The following IPO13 variants were observed in gnomAD, a reference collection of about 807,000 sequenced individuals.
IPO13 encodes the protein importin 13, also known as importin-13.
A neutral mutation model predicts 115.5 loss-of-function variants in IPO13; 28 were observed. That is an observed-to-expected ratio of 0.24 (90% CI 0.18 to 0.33). The LOEUF is 0.33. IPO13 is among the 10% of genes least tolerant of loss of function. The pLI is 1.00. For synonymous variants in IPO13, 414 were observed against 478.9 expected (o/e 0.86, Z 1.77); for missense variants, 785 against 1,204.6 (o/e 0.65, Z 5.16).
intron 11 of IPO13, 49 bp from the exon 12 acceptor site, chr1:43,960,200 G>A: frequency 6.3e-7 from 1 of 1,583,274 alleles, no homozygotes; most frequent in Non-Finnish European, 8.7e-7. Context: ...CCTCAAGTGG[G>A]TCACAGTGAT....
At chr1:43,955,437 G>A (rs2085237860) in intron 2 of IPO13, among the ~76,000 whole-genome samples, 1 of 152,170 alleles carries the variant, frequency 6.6e-6, no homozygotes, top group Non-Finnish European at 1.5e-5. Flanking sequence ...AATTGTGAAG[G>A]ATAGAAGTCT....
At chr1:43,955,401 AG>A (rs1466798963) in intron 2 of IPO13, among the ~76,000 whole-genome samples, 7 of 152,192 alleles carry the variant, frequency 4.6e-5, no homozygotes, top group African/African-American at 1.4e-4. Flanking sequence ...GTGGCTTTAA[AG>A]CCAAACAGAA....
In IPO13 at chr1:43,952,811, T is replaced by A. The variant is rs2085218343; in HGVS notation, c.821+2658T>A. ...TGTGAAGCTTTTAGCATGGTTCCTA[T>A]ATACTCTGTAAACGGCAGTTGCCAG... On this transcript the variant is annotated intron_variant, in intron 2 of 19. Coordinates refer to ENST00000372343, the MANE Select transcript of IPO13 (RefSeq NM_014652.4). The surrounding 1 kb of genome is among the most constrained non-coding windows in gnomAD (Gnocchi z 4.7). Among the ~76,000 whole-genome samples, 1 of 152,256 alleles carries A rather than the reference T, an allele frequency of 6.6e-6. No homozygotes were observed. The highest frequency in any genetic ancestry group is 1.5e-5 in the Non-Finnish European group (1 of 68,044).
chr1:43,951,703 G>A (rs1476175896), intron 2 of IPO13, among the ~76,000 whole-genome samples: 4 of 152,200 alleles, frequency 2.6e-5, no homozygotes, highest in Non-Finnish European at 4.4e-5. Context: ...AAGTGAGACT[G>A]GAGGTCCTGA....
chr1:43,950,180 G>A lies in IPO13; in HGVS notation c.821+27G>A, dbSNP rs1245078213. On this transcript the variant is annotated intron_variant, in intron 2 of 19. Coordinates refer to ENST00000372343, the MANE Select transcript of IPO13 (RefSeq NM_014652.4). ...TGAGCTAGTACCCACTCACCCAGAA[G>A]ACAACCTCTTTGGCCAGCCACACAT... 4.4e-6 allele frequency: 7 copies of A among 1,573,068 alleles called. No homozygotes were observed. The African/African-American group carries it at 5.4e-5, about 12-fold the overall frequency.
Position 43,967,988 on chromosome 1 carries a change from C to A in IPO13, c.*306C>A, listed in dbSNP as rs1389653180. On this transcript the variant is annotated 3_prime_UTR_variant, in exon 20 of 20. Coordinates refer to ENST00000372343, the MANE Select transcript of IPO13 (RefSeq NM_014652.4). This position sits in a 1 kb window ranked among gnomAD's most constrained non-coding sequence, Gnocchi z 6.1. ...GGGGTGGTTGCAGTAGTGTCATCAACCCCCCCATCCCCATTAAATTAATCC... is the reference window on the plus strand; with the variant it reads ...GGGGTGGTTGCAGTAGTGTCATCAAACCCCCCATCCCCATTAAATTAATCC... 2.1e-6 allele frequency: 1 copy of A among 476,624 alleles called. No individual in the cohort carries two copies. Among genetic ancestry groups the A allele is most frequent in the African/African-American group, 1.9e-5 (1 of 51,716 alleles). The allele number at this position is 476,624 out of a possible 1,614,324, so 29.5% of individuals were successfully genotyped here. A position where few individuals can be genotyped will look rare whatever the true frequency, so the allele number is the denominator to read the frequency against.
rs2085262933 is a variant in IPO13, at chr1:43,958,041, G to A, written c.1605G>A (p.Leu535=). The A allele has an allele frequency of 6.2e-7, 1 of 1,614,154 alleles. No individual in the cohort carries two copies. Among genetic ancestry groups the A allele is most frequent in the Non-Finnish European group, 8.5e-7 (1 of 1,180,010 alleles). Residue 535 remains leucine (L), a synonymous_variant, in exon 8 of 20, where the codon CTG becomes CTA. Coordinates refer to ENST00000372343, the MANE Select transcript of IPO13 (RefSeq NM_014652.4). The surrounding 1 kb of genome is among the most constrained non-coding windows in gnomAD (Gnocchi z 6.3). Reference sequence around the variant, plus strand: ...TCAACAGTGTTCTGCCCTTGGTACTGCATGCCCTAGGCAATCCTGAGCTGT... The same window carrying A: ...TCAACAGTGTTCTGCCCTTGGTACTACATGCCCTAGGCAATCCTGAGCTGT... ...VMINSVLPLV[L]HALGNPELSV...
At chr1:43,950,260 C>T in intron 2 of IPO13, 107 bp downstream of exon 2, 1 of 1,322,256 alleles carries the variant, frequency 7.6e-7, no homozygotes, top group Non-Finnish European at 1.0e-6. Flanking sequence ...ATACCTGGTC[C>T]TATGCTGGAG....
chr1:43,955,619 G>A (rs1278475893), intron 2 of IPO13, among the ~76,000 whole-genome samples: 1 of 152,150 alleles, frequency 6.6e-6, no homozygotes, highest in African/African-American at 2.4e-5. Flanking sequence ...GTATGTCTCT[G>A]TCTTCACATA....
intron 2 of IPO13, among the ~76,000 whole-genome samples, chr1:43,950,698 T>C (rs2085203245): frequency 6.6e-6 from 1 of 152,194 alleles, no homozygotes; most frequent in Non-Finnish European, 1.5e-5. Context: ...CATCTCATGC[T>C]ACTCTCCTTG....
Position 43,952,495 on chromosome 1 carries a change from C to G in IPO13, c.821+2342C>G, listed in dbSNP as rs1402184689. 2.0e-5 allele frequency among the ~76,000 whole-genome samples: 3 copies of G among 152,026 alleles called. No individual in the cohort carries two copies. Among genetic ancestry groups the G allele is most frequent in the Non-Finnish European group, 4.4e-5 (3 of 68,014 alleles). The stretch of plus-strand genomic sequence containing the variant: ...AACTGTTCATTTTTTTAAAGAGAAA[C>G]ATAGTTACTATTAAATGGATTAAGG... On this transcript the variant is annotated intron_variant, in intron 2 of 19. Transcript: ENST00000372343. The surrounding 1 kb of genome is among the most constrained non-coding windows in gnomAD (Gnocchi z 4.7).
At position 43,966,431 on chromosome 1, in the gene IPO13, C is replaced by G; in HGVS notation, c.2398-144C>G. The stretch of plus-strand genomic sequence containing the variant: ...TGACCTACTGAACTCTGAGGTGGTC[C>G]GGGTCCCCCAGAGATGGCTGGGTAG... On this transcript the variant is annotated intron_variant, in intron 15 of 19. Transcript: ENST00000372343. This position sits in a 1 kb window ranked among gnomAD's most constrained non-coding sequence, Gnocchi z 4.1. 1 of 767,028 alleles carries G rather than the reference C, an allele frequency of 1.3e-6. No homozygotes were observed. The highest frequency in any genetic ancestry group is 1.5e-5 in the South Asian group (1 of 65,110). The allele number at this position is 767,028 out of a possible 1,614,324, so 47.5% of individuals were successfully genotyped here.
intron 2 of IPO13, chr1:43,953,571 G>T (rs1389861477): frequency 6.6e-6 from 1 of 152,232 alleles, no homozygotes; most frequent in Admixed American, 6.5e-5. Flanking sequence ...GTCACCTTCA[G>T]TGACTTTGAC....
intron 1 of IPO13, among the ~76,000 whole-genome samples, chr1:43,948,007 A>G (rs138531518): frequency 3.3e-5 from 5 of 152,210 alleles, no homozygotes; most frequent in African/African-American, 1.2e-4. Context: ...GAAACTGGGA[A>G]CCCAGGAGAC....
chr1:43,949,491 G>T lies in IPO13; in HGVS notation c.159G>T (p.Gln53His), dbSNP rs756621643. Residue 53 changes from glutamine (Q) to histidine (H), a missense_variant, in exon 2 of 20, where the codon CAG becomes CAT. This residue lies in a region of IPO13 where 325 missense variants were observed against 449.8 expected (regional missense o/e 0.72). Coordinates refer to ENST00000372343, the MANE Select transcript of IPO13 (RefSeq NM_014652.4). ...CTCAGAAGTGGCTGATGCAGGCCCA[G>T]GTCTCCCCACAGGCCTGGCACTTCA... ...NLAQKWLMQAQVSPQAWHFSW... is the reference protein window; with the variant it reads ...NLAQKWLMQAHVSPQAWHFSW... 6.2e-7 allele frequency: 1 copy of T among 1,614,128 alleles called. No homozygotes were observed. Among genetic ancestry groups the T allele is most frequent in the South Asian group, 1.1e-5 (1 of 91,084 alleles).
In IPO13 at chr1:43,947,314, C is replaced by G. The variant is rs948356115; in HGVS notation, c.-287C>G. 5.0e-6 allele frequency: 2 copies of G among 399,250 alleles called. No homozygotes were observed. Among genetic ancestry groups the G allele is most frequent in the African/African-American group, 4.1e-5 (2 of 48,760 alleles). The allele number at this position is 399,250 out of a possible 1,614,324, so 24.7% of individuals were successfully genotyped here. A position where few individuals can be genotyped will look rare whatever the true frequency, so the allele number is the denominator to read the frequency against. ...ACTCCCTCCACACAGATTCTGGGGA[C>G]AGAGCTGTTACCTGCCACTAGGATC... is the stretch of plus-strand genomic sequence containing the variant. On this transcript the variant is annotated 5_prime_UTR_variant, in exon 1 of 20. Transcript: ENST00000372343.
chr1:43,967,174 G>T lies in IPO13; in HGVS notation c.2614-141G>T. The T allele has an allele frequency of 9.1e-7, 1 of 1,100,970 alleles. No individual in the cohort carries two copies. The highest frequency in any genetic ancestry group is 1.4e-6 in the Non-Finnish European group (1 of 736,820). 68.2% of individuals were successfully genotyped at this position (1,100,970 alleles called of 1,614,324 possible). On this transcript the variant is annotated intron_variant, in intron 18 of 19. Transcript: ENST00000372343. The surrounding 1 kb of genome is among the most constrained non-coding windows in gnomAD (Gnocchi z 6.1). ...TGAAAGTTGTTAGGATTGCTGTGGG[G>T]ATCAGCTGGCTCTCAAAAAGCAGCG...
intron 14 of IPO13, 123 bp downstream of exon 14, chr1:43,961,385 G>A: frequency 2.5e-6 from 2 of 801,160 alleles, no homozygotes; most frequent in Non-Finnish European, 2.2e-6. Context: ...GGGACTTGAT[G>A]GGAAACCTGT....
At chr1:43,963,961 C>T (rs1412885720) in intron 14 of IPO13, among the ~76,000 whole-genome samples, 2 of 152,192 alleles carry the variant, frequency 1.3e-5, no homozygotes, top group Non-Finnish European at 2.9e-5. Context: ...GCCGTTTCTT[C>T]AGCTATATGG....
Sources: gnomAD v4.1 joint callset for allele counts (sites outside exome capture counted in the v4.1 genomes callset) on GRCh38, gnomAD v4.1.1 for gene constraint, gnomAD v4.1.1 regional missense constraint, Gnocchi (gnomAD v3.1) non-coding constraint, MANE v1.5 for transcripts, NCBI Gene and HGNC (gene_info 2026-07-23, HGNC 2026-07-21) for gene names.